The following GRIN2B variants were observed in gnomAD, a reference collection of about 807,000 sequenced individuals.
The protein encoded by GRIN2B is glutamate ionotropic receptor NMDA type subunit 2B.
Under a neutral mutation model 114.5 loss-of-function variants are expected in GRIN2B, and 5 were observed. The observed-to-expected ratio is 0.04, with a 90% confidence interval of 0.02 to 0.09. GRIN2B has a LOEUF of 0.09. GRIN2B is among the 10% of genes least tolerant of loss of function. The pLI, the probability that GRIN2B is intolerant of heterozygous loss-of-function variation, is 1.00. For missense variants in GRIN2B, 1,108 were observed against 1,943.5 expected, an observed-to-expected ratio of 0.57 and a Z score of 8.08; for synonymous variants, 787 against 745.1, an observed-to-expected ratio of 1.06 and a Z score of -0.92.
chr12:13,857,372 T>TACACACACAC (rs142914230), intron 3 of GRIN2B, among the ~76,000 whole-genome samples: 38 of 147,672 alleles, frequency 2.6e-4, no homozygotes, highest in African/African-American at 9.2e-4. Flanking sequence ...CACGCGTGCA[T>TACACACACAC]ACACACACAC....
intron 5 of GRIN2B, among the ~76,000 whole-genome samples, chr12:13,662,585 C>A (rs1949935181): frequency 6.6e-6 from 1 of 152,106 alleles, no homozygotes; most frequent in Admixed American, 6.6e-5. Context: ...CCCCACTCAC[C>A]AAGACACAGG....
chr12:13,592,246 G>A (rs547125149), intron 10 of GRIN2B, among the ~76,000 whole-genome samples: 1 of 152,272 alleles, frequency 6.6e-6, no homozygotes, highest in African/African-American at 2.4e-5. Flanking sequence ...ACAGGAATGA[G>A]GGTAGAAGAG....
chr12:13,694,656 C>CAAAGATAT (rs1555122534), intron 4 of GRIN2B, among the ~76,000 whole-genome samples: 2 of 71,404 alleles, frequency 2.8e-5, no homozygotes, highest in Non-Finnish European at 5.0e-5. Flanking sequence ...AAGAAAATGT[C>CAAAGATAT]ATATATATAT....
At chr12:13,598,062 G>A (rs916251820) in intron 10 of GRIN2B, among the ~76,000 whole-genome samples, 1 of 152,170 alleles carries the variant, frequency 6.6e-6, no homozygotes, top group African/African-American at 2.4e-5. Context: ...GGGAAAAGAG[G>A]AGATGCAGAG....
At chr12:13,932,909 C>T (rs546138797) in intron 2 of GRIN2B, among the ~76,000 whole-genome samples, 1 of 151,556 alleles carries the variant, frequency 6.6e-6, no homozygotes, top group South Asian at 2.1e-4. Context: ...ATTGGTATTC[C>T]AAAATAATGG....
chr12:13,705,084 CT>C (rs34943652), intron 4 of GRIN2B, among the ~76,000 whole-genome samples: 52,060 of 151,548 alleles, frequency 0.34, 9,503 homozygotes, highest in Non-Finnish European at 0.41. Context: ...TTCCTTCCCC[CT>C]GATAATGATT....
chr12:13,888,891 A>T (rs1866211085), intron 2 of GRIN2B, among the ~76,000 whole-genome samples: 1 of 152,066 alleles, frequency 6.6e-6, no homozygotes, highest in African/African-American at 2.4e-5. Flanking sequence ...AAGGCCTGGG[A>T]CATTACTGTA....
chr12:13,770,681 G>T (rs1390067391), intron 3 of GRIN2B, among the ~76,000 whole-genome samples: 2 of 152,090 alleles, frequency 1.3e-5, no homozygotes, highest in African/African-American at 2.4e-5. Context: ...ATTCTGTAAT[G>T]GACAGGCCCT....
chr12:13,559,950 A>T lies in GRIN2B; in HGVS notation c.*2833T>A, dbSNP rs529237753. On this transcript the variant is annotated 3_prime_UTR_variant, in exon 14 of 14. Transcript: ENST00000609686. Reference sequence around the variant, plus strand: ...GTTAATTTGACCTTAATTCTGTTTAAGCCCTTTTGGGAATCTTTCCTACCC... The same window carrying T: ...GTTAATTTGACCTTAATTCTGTTTATGCCCTTTTGGGAATCTTTCCTACCC... The T allele has an allele frequency of 2.6e-5, 4 of 152,328 alleles. No homozygotes were observed. The highest frequency in any genetic ancestry group is 4.4e-5 in the Non-Finnish European group (3 of 68,028). The allele number at this position is 152,328 out of a possible 1,614,324, so 9.4% of individuals were successfully genotyped here.
At position 13,540,176 on chromosome 12, in the gene GRIN2B, C is replaced by A. The variant is rs1248690613; in HGVS notation, c.*22607G>T. On this transcript the variant is annotated 3_prime_UTR_variant, in exon 14 of 14. Coordinates refer to ENST00000609686, the MANE Select transcript of GRIN2B (RefSeq NM_000834.5). ...TTTCCCAAACAGCACTTTTAACAAT[C>A]TTTTTGGAATCACAGTAAAGAAAGC... 6.6e-6 allele frequency: 1 copy of A among 152,104 alleles called. No individual in the cohort carries two copies. Among genetic ancestry groups the A allele is most frequent in the Non-Finnish European group, 1.5e-5 (1 of 68,010 alleles). The allele number at this position is 152,104 out of a possible 1,614,324, so 9.4% of individuals were successfully genotyped here.
chr12:13,600,176 C>T (rs1949136716), intron 10 of GRIN2B, among the ~76,000 whole-genome samples: 3 of 152,062 alleles, frequency 2.0e-5, no homozygotes, highest in Non-Finnish European at 2.9e-5. Flanking sequence ...TCCAGGACAG[C>T]GTTGGCTTCT....
At chr12:13,620,307 G>T (rs774351324) in intron 5 of GRIN2B, among the ~76,000 whole-genome samples, 12 of 152,182 alleles carry the variant, frequency 7.9e-5, no homozygotes, top group Non-Finnish European at 1.3e-4. Context: ...TTCCTTACGG[G>T]CCTGCTCACT....
intron 5 of GRIN2B, among the ~76,000 whole-genome samples, chr12:13,651,173 G>A (rs1949808545): frequency 6.6e-6 from 1 of 152,038 alleles, no homozygotes; most frequent in African/African-American, 2.4e-5. Flanking sequence ...GGCCTAAGAT[G>A]TTTTATATCT....
intron 3 of GRIN2B, among the ~76,000 whole-genome samples, chr12:13,773,293 G>C (rs1446396508): frequency 1.3e-5 from 2 of 152,154 alleles, no homozygotes; most frequent in African/African-American, 4.8e-5. Context: ...AGTTGAGTGT[G>C]TCCATGCACA....
intron 3 of GRIN2B, among the ~76,000 whole-genome samples, chr12:13,782,739 C>T (rs907248440): frequency 6.6e-6 from 1 of 152,186 alleles, no homozygotes; most frequent in African/African-American, 2.4e-5. Flanking sequence ...TTGAGAGGCT[C>T]TTTGCTCTAG....
chr12:13,716,714 C>T (rs1264114745), intron 4 of GRIN2B, among the ~76,000 whole-genome samples: 2 of 151,924 alleles, frequency 1.3e-5, no homozygotes, highest in Non-Finnish European at 2.9e-5. Flanking sequence ...GAGTTAATGT[C>T]ATATGATGAT....
chr12:13,879,388 C>T (rs1442731729), intron 2 of GRIN2B, among the ~76,000 whole-genome samples: 1 of 151,980 alleles, frequency 6.6e-6, no homozygotes, highest in Non-Finnish European at 1.5e-5. Flanking sequence ...TATGATCTTA[C>T]AGAACCACTG....
intron 3 of GRIN2B, among the ~76,000 whole-genome samples, chr12:13,773,156 AG>A (rs1660122015): frequency 1.3e-5 from 2 of 152,310 alleles, no homozygotes; most frequent in African/African-American, 4.8e-5. Context: ...GTACTTGGCA[AG>A]TTCCTACCCA....
At chr12:13,937,148 C>T (rs1867144367) in intron 2 of GRIN2B, among the ~76,000 whole-genome samples, 1 of 147,820 alleles carries the variant, frequency 6.8e-6, no homozygotes, top group African/African-American at 2.5e-5. Context: ...TAATATTTGA[C>T]ACAATATTAA....
Sources: gnomAD v4.1 joint callset for allele counts (sites outside exome capture counted in the v4.1 genomes callset) on GRCh38, gnomAD v4.1.1 for gene constraint, MANE v1.5 for transcripts, NCBI Gene and HGNC (gene_info 2026-07-23, HGNC 2026-07-21) for gene names.